SNX31: variants seen among roughly 807,000 people sequenced by gnomAD.
The protein encoded by SNX31 is sorting nexin-31.
SNX31 carries 58 observed loss-of-function variants against 65.4 expected under a neutral mutation model. The observed-to-expected ratio is 0.89, with a 90% confidence interval of 0.72 to 1.10. The LOEUF (loss-of-function observed/expected upper bound fraction) is 1.10, where lower values mean the gene tolerates loss of function less well. Among genes scored for constraint, SNX31 ranks in the 50% least tolerant of loss-of-function variants. SNX31 has a pLI of 0.00. For synonymous variants in SNX31, 181 were observed against 190.1 expected (o/e 0.95, Z 0.39); for missense variants, 523 against 529.7 (o/e 0.99, Z 0.12).
chr8:100,612,145 A>T lies in SNX31; in HGVS notation c.524-58T>A. 1 of 1,046,844 alleles carries T rather than the reference A, an allele frequency of 9.6e-7. No individual in the cohort carries two copies. The highest frequency in any genetic ancestry group is 1.4e-5 in the South Asian group (1 of 73,208). 64.8% of individuals were successfully genotyped at this position (1,046,844 alleles called of 1,614,324 possible). ...GAAACAGCACAGACAGCTTATATAT[A>T]GCAGCTTTCAAATGAGAAAATAAAA... On this transcript the variant is annotated intron_variant, in intron 6 of 13. Transcript: ENST00000311812. The surrounding 1 kb of genome is among the most constrained non-coding windows in gnomAD (Gnocchi z 4.3).
intron 12 of SNX31, chr8:100,582,337 A>T (rs1318420911): frequency 1.3e-5 from 2 of 152,232 alleles, no homozygotes; most frequent in Non-Finnish European, 2.9e-5. Context: ...AGGCTACTTC[A>T]GTTAATTACT....
At position 100,588,510 on chromosome 8, in the gene SNX31, A is replaced by G. The variant is rs954035928; in HGVS notation, c.1092+356T>C. 6.6e-6 allele frequency among the ~76,000 whole-genome samples: 1 copy of G among 152,198 alleles called. No homozygotes were observed. The highest frequency in any genetic ancestry group is 2.4e-5 in the African/African-American group (1 of 41,452). ...AGACTCACTTGTTTATATACTGCCTATGGCTGCTTTTAACAGAGTTGAGCA... is the reference window on the plus strand; with the variant it reads ...AGACTCACTTGTTTATATACTGCCTGTGGCTGCTTTTAACAGAGTTGAGCA... On this transcript the variant is annotated intron_variant, in intron 11 of 13. Coordinates refer to ENST00000311812, the MANE Select transcript of SNX31 (RefSeq NM_152628.4). This position sits in a 1 kb window ranked among gnomAD's most constrained non-coding sequence, Gnocchi z 4.8.
In SNX31 at chr8:100,660,315, C is replaced by T. The variant is rs554621712; in HGVS notation, c.-58+2827G>A. Reference sequence around the variant, plus strand: ...AAAGCAGAAAGAGGTGAGCTTGTCCCAGTCACATTGTTTAAAAGTGGCAGG... The same window carrying T: ...AAAGCAGAAAGAGGTGAGCTTGTCCTAGTCACATTGTTTAAAAGTGGCAGG... On this transcript the variant is annotated intron_variant, in intron 1 of 5. Coordinates refer to the SNX31 transcript ENST00000520352. This position sits in a 1 kb window ranked among gnomAD's most constrained non-coding sequence, Gnocchi z 4.1. Among the ~76,000 whole-genome samples, 3 of 152,284 alleles carry T rather than the reference C, an allele frequency of 2.0e-5. No individual in the cohort carries two copies. Among genetic ancestry groups the T allele is most frequent in the African/African-American group, 7.2e-5 (3 of 41,568 alleles).
At chr8:100,645,057 C>A (rs1400335625) in intron 2 of SNX31, among the ~76,000 whole-genome samples, 1 of 152,262 alleles carries the variant, frequency 6.6e-6, no homozygotes, top group Non-Finnish European at 1.5e-5. Context: ...GCCCCTCAAT[C>A]TCAGTTATCC....
upstream of SNX31, among the ~76,000 whole-genome samples, chr8:100,651,151 T>G (rs553798663): frequency 5.9e-4 from 90 of 152,332 alleles, no homozygotes; most frequent in Non-Finnish European, 1.2e-3. Context: ...GTGCACTCTT[T>G]AAGCTGCAGT....
intron 1 of SNX31, among the ~76,000 whole-genome samples, chr8:100,655,697 T>C (rs1820043127): frequency 6.6e-6 from 1 of 152,152 alleles, no homozygotes. Context: ...AGTTTGTTGT[T>C]ATGGAGAAGT....
chr8:100,643,900 G>A (rs1268419328), intron 2 of SNX31, among the ~76,000 whole-genome samples: 1 of 152,156 alleles, frequency 6.6e-6, no homozygotes, highest in Non-Finnish European at 1.5e-5. Flanking sequence ...AGCATGACAA[G>A]GTTGAAACAT....
At position 100,609,023 on chromosome 8, in the gene SNX31, T is replaced by C. The variant is rs1199493887; in HGVS notation, c.612-460A>G. Among the ~76,000 whole-genome samples, 1 of 152,190 alleles carries C rather than the reference T, an allele frequency of 6.6e-6. No individual in the cohort carries two copies. The highest frequency in any genetic ancestry group is 2.4e-5 in the African/African-American group (1 of 41,450). On this transcript the variant is annotated intron_variant, in intron 7 of 13. Transcript: ENST00000311812. The surrounding 1 kb of genome is among the most constrained non-coding windows in gnomAD (Gnocchi z 4.9). ...TTCTGTCTCAGCCATGTGCCCTTAA[T>C]CTGATGCTCCACATTCTAACCAGAG...
chr8:100,628,403 T>C (rs1587007584), intron 4 of SNX31, among the ~76,000 whole-genome samples: 1 of 152,126 alleles, frequency 6.6e-6, no homozygotes, highest in Non-Finnish European at 1.5e-5. Flanking sequence ...TGGAATACTA[T>C]GCAGCCATAA....
intron 10 of SNX31, among the ~76,000 whole-genome samples, chr8:100,595,960 G>T (rs1815047892): frequency 6.6e-6 from 1 of 152,194 alleles, no homozygotes; most frequent in Admixed American, 6.5e-5. Flanking sequence ...TCTTTGAGAA[G>T]TAAGAAATGG....
intron 1 of SNX31, chr8:100,657,589 T>C (rs910836460): frequency 2.1e-5 from 9 of 438,318 alleles, no homozygotes; most frequent in Admixed American, 4.8e-5. Flanking sequence ...GGTATACCTG[T>C]GGAGTCCAGA....
chr8:100,612,927 C>A lies in SNX31; in HGVS notation c.523+68G>T. The A allele has an allele frequency of 7.3e-7, 1 of 1,365,714 alleles. No homozygotes were observed. Among genetic ancestry groups the A allele is most frequent in the Non-Finnish European group, 1.0e-6 (1 of 954,414 alleles). The allele number at this position is 1,365,714 out of a possible 1,614,324, so 84.6% of individuals were successfully genotyped here. A position where few individuals can be genotyped will look rare whatever the true frequency, so the allele number is the denominator to read the frequency against. On this transcript the variant is annotated intron_variant, in intron 6 of 13. Transcript: ENST00000311812. The surrounding 1 kb of genome is among the most constrained non-coding windows in gnomAD (Gnocchi z 4.3). ...GGTGGCCAGCCCCTCAGCTGTGACT[C>A]CTATGAGCCCCTGCTCACACCTGTC... is the stretch of plus-strand genomic sequence containing the variant.
chr8:100,612,364 T>C lies in SNX31; in HGVS notation c.524-277A>G, dbSNP rs965259403. On this transcript the variant is annotated intron_variant, in intron 6 of 13. Transcript: ENST00000311812. This position sits in a 1 kb window ranked among gnomAD's most constrained non-coding sequence, Gnocchi z 4.3. ...CGGAGACATCCAGCGCCTTCGCAGC[T>C]CACCGCAGGGCCTAGCAGCCAACCC... 6.6e-6 allele frequency among the ~76,000 whole-genome samples: 1 copy of C among 151,986 alleles called. No individual in the cohort carries two copies. Among genetic ancestry groups the C allele is most frequent in the African/African-American group, 2.4e-5 (1 of 41,356 alleles).
chr8:100,647,967 A>G (rs1819750616), intron 2 of SNX31, among the ~76,000 whole-genome samples: 1 of 152,230 alleles, frequency 6.6e-6, no homozygotes, highest in Admixed American at 6.5e-5. Flanking sequence ...CAATCATTTG[A>G]CAATCGTTCC....
chr8:100,577,557 A>G (rs1214774565), intron 12 of SNX31, among the ~76,000 whole-genome samples: 1 of 152,212 alleles, frequency 6.6e-6, no homozygotes, highest in Non-Finnish European at 1.5e-5. Context: ...AGATGGTGCA[A>G]TCTTGGGGTA....
intron 1 of SNX31, among the ~76,000 whole-genome samples, chr8:100,658,885 CTG>C (rs1030933014): frequency 6.6e-6 from 1 of 152,224 alleles, no homozygotes; most frequent in Non-Finnish European, 1.5e-5. Context: ...GGGACCTACT[CTG>C]TGCCCACTGG....
chr8:100,608,267 AC>A (rs1816359623), intron 8 of SNX31, among the ~76,000 whole-genome samples: 2 of 152,128 alleles, frequency 1.3e-5, no homozygotes, highest in Non-Finnish European at 2.9e-5. Context: ...TAGAGCTCAA[AC>A]TTTTTTTTAT....
intron 9 of SNX31, among the ~76,000 whole-genome samples, chr8:100,599,771 G>C (rs1421757299): frequency 6.6e-6 from 1 of 152,112 alleles, no homozygotes; most frequent in African/African-American, 2.4e-5. Context: ...TTCGCTGCTT[G>C]GGGGCAGGAG....
intron 1 of SNX31, among the ~76,000 whole-genome samples, chr8:100,656,069 G>A (rs1820048486): frequency 6.6e-6 from 1 of 152,142 alleles, no homozygotes; most frequent in African/African-American, 2.4e-5. Context: ...TGTATGGAGG[G>A]CTCTGAGATA....
Sources: gnomAD v4.1 joint callset for allele counts (sites outside exome capture counted in the v4.1 genomes callset) on GRCh38, gnomAD v4.1.1 for gene constraint, Gnocchi (gnomAD v3.1) non-coding constraint, MANE v1.5 for transcripts, NCBI Gene and HGNC (gene_info 2026-07-23, HGNC 2026-07-21) for gene names.